TEX2: variants seen among roughly 807,000 people sequenced by gnomAD.
TEX2 encodes the protein testis expressed 2.
A neutral mutation model predicts 106.9 loss-of-function variants in TEX2; 53 were observed. That is an observed-to-expected ratio of 0.50 (90% CI 0.40 to 0.62). The LOEUF is 0.62. Among genes scored for constraint, TEX2 ranks in the 20% least tolerant of loss-of-function variants. The pLI, the probability that TEX2 is intolerant of heterozygous loss-of-function variation, is 0.00. For missense variants in TEX2, 1,207 were observed against 1,379.0 expected, an observed-to-expected ratio of 0.88 and a Z score of 1.98; for synonymous variants, 523 against 534.8, an observed-to-expected ratio of 0.98 and a Z score of 0.30.
In TEX2 at chr17:64,263,236, C is replaced by G. The variant is rs1216074128; in HGVS notation, c.-94G>C. 6.7e-6 allele frequency: 1 copy of G among 150,256 alleles called. No individual in the cohort carries two copies. Among genetic ancestry groups the G allele is most frequent in the Non-Finnish European group, 1.5e-5 (1 of 67,308 alleles). 9.3% of individuals were successfully genotyped at this position (150,256 alleles called of 1,614,324 possible). On this transcript the variant is annotated 5_prime_UTR_variant, in exon 1 of 12. Transcript: ENST00000584379. ...GCTCCCGGCCGCGCGACTCCGGCTTCGGCTGGGGCACCGGCCGCGGTCCTG... is the reference window on the plus strand; with the variant it reads ...GCTCCCGGCCGCGCGACTCCGGCTTGGGCTGGGGCACCGGCCGCGGTCCTG...
intron 1 of TEX2, among the ~76,000 whole-genome samples, chr17:64,223,909 G>A (rs922555837): frequency 1.3e-5 from 2 of 152,074 alleles, no homozygotes; most frequent in African/African-American, 2.4e-5. Flanking sequence ...TAGAGACGGG[G>A]TTTTACCATG....
intron 1 of TEX2, among the ~76,000 whole-genome samples, chr17:64,245,764 C>A (rs928283889): frequency 5.6e-5 from 8 of 144,102 alleles, no homozygotes; most frequent in African/African-American, 2.1e-4. Flanking sequence ...CATAGGGATA[C>A]GAACCAACTG....
intron 1 of TEX2, among the ~76,000 whole-genome samples, chr17:64,250,951 C>A (rs1205313360): frequency 6.6e-6 from 1 of 152,186 alleles, no homozygotes; most frequent in Non-Finnish European, 1.5e-5. Flanking sequence ...CTCAGCCTCC[C>A]AAAGTGCTGG....
At chr17:64,177,188 G>A (rs937179302) in intron 6 of TEX2, 137 bp downstream of exon 6, 1 of 916,108 alleles carries the variant, frequency 1.1e-6, no homozygotes, top group Non-Finnish European at 1.7e-6. Context: ...AAGGTCAGAT[G>A]TGCTGTTTGA....
intron 3 of TEX2, 114 bp downstream of exon 3, chr17:64,194,781 T>C (rs968265676): frequency 2.2e-6 from 2 of 921,400 alleles, no homozygotes; most frequent in African/African-American, 3.3e-5. Context: ...CCCTAAGGTA[T>C]ACTGTTCAAC....
intron 5 of TEX2, 24 bp downstream of exon 5, chr17:64,188,144 G>T: frequency 6.3e-7 from 1 of 1,597,546 alleles, no homozygotes; most frequent in African/African-American, 1.3e-5. Flanking sequence ...AGTGAAAAAG[G>T]TCCGGCCCAG....
At chr17:64,161,156 A>G (rs958099665) in intron 7 of TEX2, among the ~76,000 whole-genome samples, 9 of 152,106 alleles carry the variant, frequency 5.9e-5, no homozygotes, top group Non-Finnish European at 1.2e-4. Flanking sequence ...GCATCTGAGG[A>G]CCCATTCACA....
chr17:64,196,014 CAGAG>C (rs1598166382), intron 2 of TEX2, among the ~76,000 whole-genome samples: 2 of 152,300 alleles, frequency 1.3e-5, no homozygotes, highest in East Asian at 3.9e-4. Context: ...TTGTAATGAG[CAGAG>C]AGATGCTAAA....
chr17:64,179,794 A>C (rs965247415), intron 5 of TEX2, among the ~76,000 whole-genome samples: 1 of 152,042 alleles, frequency 6.6e-6, no homozygotes, highest in Non-Finnish European at 1.5e-5. Context: ...TTTAAAAAAG[A>C]AAGCATGCTG....
intron 1 of TEX2, among the ~76,000 whole-genome samples, chr17:64,248,163 A>C (rs782643491): frequency 2.0e-5 from 3 of 152,224 alleles, no homozygotes; most frequent in Non-Finnish European, 4.4e-5. Flanking sequence ...AAAACAAACT[A>C]TAACTGCAAA....
At chr17:64,245,098 T>C (rs2143436448) in intron 1 of TEX2, among the ~76,000 whole-genome samples, 1 of 152,164 alleles carries the variant, frequency 6.6e-6, no homozygotes, top group Admixed American at 6.5e-5. Flanking sequence ...TCTTCCATCA[T>C]TTTTTTTCTA....
Position 64,205,352 on chromosome 17 carries a change from C to T in TEX2, c.1644+7222G>A, listed in dbSNP as rs1472337310. 6.6e-6 allele frequency among the ~76,000 whole-genome samples: 1 copy of T among 152,126 alleles called. No homozygotes were observed. Among genetic ancestry groups the T allele is most frequent in the Non-Finnish European group, 1.5e-5 (1 of 68,022 alleles). On this transcript the variant is annotated intron_variant, in intron 2 of 11. Transcript: ENST00000584379. The surrounding 1 kb of genome is among the most constrained non-coding windows in gnomAD (Gnocchi z 4.0). Reference sequence around the variant, plus strand: ...AACAAACAAACATCTCACCTGAAAACTATTCTACAAGGGGCACTGGGAAAT... The same window carrying T: ...AACAAACAAACATCTCACCTGAAAATTATTCTACAAGGGGCACTGGGAAAT...
chr17:64,229,668 T>G (rs1555634362), intron 1 of TEX2, among the ~76,000 whole-genome samples: 1 of 152,182 alleles, frequency 6.6e-6, no homozygotes, highest in Non-Finnish European at 1.5e-5. Flanking sequence ...ATAGTGTATA[T>G]AACACACATA....
At chr17:64,242,891 C>T (rs1163098709) in intron 1 of TEX2, among the ~76,000 whole-genome samples, 1 of 151,828 alleles carries the variant, frequency 6.6e-6, no homozygotes, top group Non-Finnish European at 1.5e-5. Flanking sequence ...TTGAGACTAG[C>T]CTGGGCAACA....
chr17:64,196,022 T>C (rs2032455633), intron 2 of TEX2, among the ~76,000 whole-genome samples: 1 of 152,248 alleles, frequency 6.6e-6, no homozygotes, highest in Non-Finnish European at 1.5e-5. Flanking sequence ...AGCAGAGAGA[T>C]GCTAAAGCTC....
intron 5 of TEX2, among the ~76,000 whole-genome samples, chr17:64,186,972 C>T (rs1244376207): frequency 2.6e-5 from 4 of 152,296 alleles, no homozygotes; most frequent in Admixed American, 6.5e-5. Context: ...ATAGTCTCAG[C>T]GAGCCAAGGG....
chr17:64,246,980 A>G (rs1057008434), intron 1 of TEX2, among the ~76,000 whole-genome samples: 7 of 152,166 alleles, frequency 4.6e-5, no homozygotes, highest in African/African-American at 1.2e-4. Flanking sequence ...AAAAATAAAG[A>G]AGGCGGCAGC....
At chr17:64,168,667 G>T (rs1286552742) in intron 7 of TEX2, among the ~76,000 whole-genome samples, 1 of 152,178 alleles carries the variant, frequency 6.6e-6, no homozygotes, top group East Asian at 1.9e-4. Context: ...GCAGTCCTGA[G>T]ATAAGAGGCT....
chr17:64,179,900 C>T (rs889187977), intron 5 of TEX2, among the ~76,000 whole-genome samples: 216 of 152,300 alleles, frequency 1.4e-3, no homozygotes, highest in Non-Finnish European at 1.5e-4. Flanking sequence ...CGTTTTCTGT[C>T]ATTAACCAAG....
Sources: gnomAD v4.1 joint callset for allele counts (sites outside exome capture counted in the v4.1 genomes callset) on GRCh38, gnomAD v4.1.1 for gene constraint, Gnocchi (gnomAD v3.1) non-coding constraint, MANE v1.5 for transcripts, NCBI Gene and HGNC (gene_info 2026-07-23, HGNC 2026-07-21) for gene names.